The following PXT1 variants were observed in gnomAD, a reference collection of about 807,000 sequenced individuals.
The protein encoded by PXT1 is peroxisomal testis enriched protein 1.
Under a neutral mutation model 11.0 loss-of-function variants are expected in PXT1, and 11 were observed. That is an observed-to-expected ratio of 1.00 (90% CI 0.63 to 1.66). The LOEUF is 1.66. Ranked by LOEUF, PXT1 falls within the 40% of genes most tolerant of loss-of-function variation. The pLI, the probability that PXT1 is intolerant of heterozygous loss-of-function variation, is 0.00. For missense variants in PXT1, 141 were observed against 155.5 expected (o/e 0.91, Z 0.49); for synonymous variants, 43 against 51.4 (o/e 0.84, Z 0.70).
At chr6:36,432,257 C>A (rs1045348180) in intron 2 of PXT1, among the ~76,000 whole-genome samples, 1 of 151,788 alleles carries the variant, frequency 6.6e-6, no homozygotes, top group Non-Finnish European at 1.5e-5. Context: ...AAAGAATGTC[C>A]GGGAGAGCTG....
intron 3 of PXT1, among the ~76,000 whole-genome samples, chr6:36,413,602 A>T (rs1774406868): frequency 6.6e-6 from 1 of 152,220 alleles, no homozygotes; most frequent in African/African-American, 2.4e-5. Flanking sequence ...ATAACAATGG[A>T]TATTATAATA....
rs565846718 is a variant in PXT1, at chr6:36,391,208, T to C, written c.*562A>G. The stretch of plus-strand genomic sequence containing the variant: ...TAGATGAGATGAGCCATATGTTGAA[T>C]TTGAGTATTAGAGACAAATGTTTCA... On this transcript the variant is annotated 3_prime_UTR_variant, in exon 5 of 5. Transcript: ENST00000454782. The C allele has an allele frequency of 6.5e-6, 1 of 153,166 alleles. No individual in the cohort carries two copies. Among genetic ancestry groups the C allele is most frequent in the African/African-American group, 2.4e-5 (1 of 41,478 alleles). The allele number at this position is 153,166 out of a possible 1,614,324, so 9.5% of individuals were successfully genotyped here.
At chr6:36,434,366 G>A (rs1451698272) in intron 2 of PXT1, among the ~76,000 whole-genome samples, 1 of 152,058 alleles carries the variant, frequency 6.6e-6, no homozygotes, top group Non-Finnish European at 1.5e-5. Flanking sequence ...GGGTATACTT[G>A]TTGAAATACT....
chr6:36,406,495 C>T (rs1167747076), intron 3 of PXT1, among the ~76,000 whole-genome samples: 1 of 152,062 alleles, frequency 6.6e-6, no homozygotes, highest in Non-Finnish European at 1.5e-5. Context: ...TAAAGGAAAA[C>T]TGAACAGGTA....
intron 3 of PXT1, among the ~76,000 whole-genome samples, chr6:36,422,236 C>T (rs1774532940): frequency 2.0e-5 from 3 of 152,136 alleles, no homozygotes. Flanking sequence ...CAAATGTCTC[C>T]TGAGAACTAA....
chr6:36,420,911 C>T (rs570840733), intron 3 of PXT1, among the ~76,000 whole-genome samples: 7 of 151,954 alleles, frequency 4.6e-5, no homozygotes, highest in Non-Finnish European at 7.4e-5. Context: ...AAAAATTAGC[C>T]GGGCATGGTG....
At chr6:36,395,548 G>T (rs556422486) in intron 4 of PXT1, among the ~76,000 whole-genome samples, 51 of 125,366 alleles carry the variant, frequency 4.1e-4, no homozygotes, top group African/African-American at 1.5e-3. Context: ...TGTTACCCAG[G>T]CTGGAGTGCA....
chr6:36,413,416 CAA>C (rs1412787265), intron 3 of PXT1, among the ~76,000 whole-genome samples: 1 of 113,618 alleles, frequency 8.8e-6, no homozygotes, highest in Non-Finnish European at 2.1e-5. Context: ...GACTCCATCT[CAA>C]AAAAAATAAG....
chr6:36,440,321 A>G (rs1774836416), intron 1 of PXT1, among the ~76,000 whole-genome samples: 1 of 152,238 alleles, frequency 6.6e-6, no homozygotes, highest in Non-Finnish European at 1.5e-5. Flanking sequence ...CTGTAATCCC[A>G]GCACTTTGGG....
intron 4 of PXT1, among the ~76,000 whole-genome samples, chr6:36,396,392 G>A (rs1774144609): frequency 6.6e-6 from 1 of 152,154 alleles, no homozygotes; most frequent in Non-Finnish European, 1.5e-5. Flanking sequence ...CACCCTCAGG[G>A]GCCCCAGGAA....
intron 3 of PXT1, among the ~76,000 whole-genome samples, chr6:36,416,095 G>C (rs533623375): frequency 6.6e-6 from 1 of 152,170 alleles, no homozygotes; most frequent in South Asian, 2.1e-4. Flanking sequence ...AGCACTTTGG[G>C]AGGCTGAGGC....
chr6:36,424,811 A>G (rs1423852344), intron 3 of PXT1, among the ~76,000 whole-genome samples: 1 of 152,148 alleles, frequency 6.6e-6, no homozygotes, highest in Admixed American at 6.5e-5. Context: ...CCTGGCCAAC[A>G]CGGTGAAACC....
At chr6:36,436,113 C>CAAAAAAAAAAAAAAAAAAAAAAAAACA (rs11294829) in intron 2 of PXT1, among the ~76,000 whole-genome samples, 2 of 60,094 alleles carry the variant, frequency 3.3e-5, no homozygotes, top group East Asian at 4.1e-4. Flanking sequence ...AAAAGTAAGC[C>CAAAAAAAAAAAAAAAAAAAAAAAAACA]AAAAAAAAAA....
At chr6:36,432,038 TCCAGCCTGGGCCACAGCG>T (rs1330202446) in intron 2 of PXT1, among the ~76,000 whole-genome samples, 1 of 152,078 alleles carries the variant, frequency 6.6e-6, no homozygotes, top group East Asian at 1.9e-4. Context: ...GCCACTGCAA[TCCAGCCTGGGCCACAGCG>T]CAAGACTCGT....
chr6:36,410,144 GGAGAGA>G lies in PXT1; in HGVS notation c.170-9566_170-9561del, dbSNP rs146278596. Among the ~76,000 whole-genome samples, 16 of 140,562 alleles carry G rather than the reference GGAGAGA, an allele frequency of 1.1e-4. No individual in the cohort carries two copies. In the South Asian group the frequency reaches 3.2e-3, roughly 28 times the overall value. The allele number at this position is 140,562 out of a possible 152,430, so 92.2% of individuals were successfully genotyped here. On this transcript the variant is annotated intron_variant, in intron 3 of 4. Transcript: ENST00000454782. The stretch of plus-strand genomic sequence containing the variant: ...TCGAGACCAGGAAGGAAGGAAGGAA[GGAGAGA>G]GAGAGAGAGAGAGAGAAAGGCCAGG...
intron 3 of PXT1, among the ~76,000 whole-genome samples, chr6:36,422,246 A>G (rs1292752304): frequency 1.3e-5 from 2 of 152,188 alleles, no homozygotes; most frequent in Admixed American, 1.3e-4. Context: ...CTGAGAACTA[A>G]GGGGCAAGAT....
chr6:36,441,921 A>G (rs1346496222), intron 1 of PXT1, among the ~76,000 whole-genome samples: 1 of 152,180 alleles, frequency 6.6e-6, no homozygotes, highest in Non-Finnish European at 1.5e-5. Flanking sequence ...ATTCTAATCC[A>G]ATTCCAAATT....
At chr6:36,437,928 T>C (rs1774791644) in intron 2 of PXT1, among the ~76,000 whole-genome samples, 1 of 149,818 alleles carries the variant, frequency 6.7e-6, no homozygotes, top group South Asian at 2.1e-4. Flanking sequence ...CAAGTGATTC[T>C]CCTACCTCAG....
At chr6:36,400,125 A>C (rs1774193509) in intron 4 of PXT1, among the ~76,000 whole-genome samples, 1 of 152,192 alleles carries the variant, frequency 6.6e-6, no homozygotes, top group African/African-American at 2.4e-5. Context: ...TGTGCACACA[A>C]ATCCCCTGGG....
Sources: gnomAD v4.1 joint callset for allele counts (sites outside exome capture counted in the v4.1 genomes callset) on GRCh38, gnomAD v4.1.1 for gene constraint, MANE v1.5 for transcripts, NCBI Gene and HGNC (gene_info 2026-07-23, HGNC 2026-07-21) for gene names.